PTPRN2: variants seen among roughly 807,000 people sequenced by gnomAD.
PTPRN2 encodes the protein receptor-type tyrosine-protein phosphatase N2.
A neutral mutation model predicts 118.8 loss-of-function variants in PTPRN2; 74 were observed. The ratio of observed to expected loss-of-function variants is 0.62; its 90% CI spans 0.52 to 0.76. The LOEUF is 0.76. Ranked by LOEUF, PTPRN2 falls within the 30% of genes least tolerant of loss-of-function variation. The pLI is 0.00. For synonymous variants in PTPRN2, 641 were observed against 608.0 expected, an observed-to-expected ratio of 1.05 and a Z score of -0.80; for missense variants, 1,481 against 1,394.4, an observed-to-expected ratio of 1.06 and a Z score of -0.99.
intron 22 of PTPRN2, among the ~76,000 whole-genome samples, chr7:157,544,670 A>T (rs758922904): frequency 6.6e-6 from 1 of 152,190 alleles, no homozygotes; most frequent in Non-Finnish European, 1.5e-5. Flanking sequence ...GTGGGCAGGA[A>T]AGTGTTAAGG....
chr7:158,341,800 T>A (rs1170300047), intron 2 of PTPRN2, among the ~76,000 whole-genome samples: 2 of 127,256 alleles, frequency 1.6e-5, no homozygotes, highest in Non-Finnish European at 3.3e-5. Flanking sequence ...ACACCCACAC[T>A]CTCACCGTAA....
intron 11 of PTPRN2, among the ~76,000 whole-genome samples, chr7:158,076,953 C>A (rs552882728): frequency 3.3e-5 from 5 of 152,214 alleles, no homozygotes; most frequent in Admixed American, 3.3e-4. Flanking sequence ...TGTGAAGCAC[C>A]GATGCCTGCC....
intron 3 of PTPRN2, among the ~76,000 whole-genome samples, chr7:158,252,979 C>T (rs1796782398): frequency 6.6e-6 from 1 of 152,196 alleles, no homozygotes; most frequent in South Asian, 2.1e-4. Context: ...CCCGAGGTTC[C>T]TCCTGTCATG....
At chr7:158,332,055 G>A (rs577640075) in intron 2 of PTPRN2, among the ~76,000 whole-genome samples, 1,676 of 150,610 alleles carry the variant, frequency 0.011, 140 homozygotes, top group African/African-American at 0.04. Context: ...GATAAGAGGT[G>A]ACATCTGCAG....
Position 157,932,059 on chromosome 7 carries a change from C to T in PTPRN2, c.1724-33322G>A, listed in dbSNP as rs539376323. Among the ~76,000 whole-genome samples the T allele has an allele frequency of 3.1e-4, 47 of 152,338 alleles. No individual in the cohort carries two copies. In the South Asian group the frequency reaches 8.1e-3, roughly 26 times the overall value. ...GTAACATTTTAGGCTTTACTCTCAC[C>T]TGCAAAATCTCTCTCTATATTTATA... On this transcript the variant is annotated intron_variant, in intron 11 of 22. Coordinates refer to ENST00000389418, the MANE Select transcript of PTPRN2 (RefSeq NM_002847.5).
Position 158,144,719 on chromosome 7 carries a change from G to A in PTPRN2, c.911-6204C>T, listed in dbSNP as rs371576519. The stretch of plus-strand genomic sequence containing the variant: ...CCCTCTCCCTCCAGGGCAGGCTGGC[G>A]CTTCTCCCACCACCCCGAGGGAAGA... On this transcript the variant is annotated intron_variant, in intron 6 of 22. Coordinates refer to ENST00000389418, the MANE Select transcript of PTPRN2 (RefSeq NM_002847.5). 7.9e-5 allele frequency among the ~76,000 whole-genome samples: 12 copies of A among 152,310 alleles called. No individual in the cohort carries two copies. The East Asian group carries it at 2.1e-3, about 27-fold the overall frequency.
chr7:158,166,815 C>T (rs537462460), intron 6 of PTPRN2, 116 bp downstream of exon 6: 31 of 1,278,258 alleles, frequency 2.4e-5, no homozygotes, highest in Middle Eastern at 2.9e-4. Flanking sequence ...CACGCGTCCT[C>T]GGGGGAGTGC....
intron 1 of PTPRN2, among the ~76,000 whole-genome samples, chr7:158,554,244 G>C (rs764481004): frequency 2.0e-5 from 3 of 152,218 alleles, no homozygotes; most frequent in Non-Finnish European, 4.4e-5. Context: ...CAGCCTGGGC[G>C]AAAGAGTGAG....
At chr7:158,184,846 T>C (rs963922649) in intron 5 of PTPRN2, among the ~76,000 whole-genome samples, 1 of 152,144 alleles carries the variant, frequency 6.6e-6, no homozygotes, top group African/African-American at 2.4e-5. Flanking sequence ...AATGCAGTGT[T>C]GAATTGAAGA....
At chr7:158,313,279 G>T (rs960360985) in intron 3 of PTPRN2, among the ~76,000 whole-genome samples, 1 of 152,182 alleles carries the variant, frequency 6.6e-6, no homozygotes, top group Admixed American at 6.5e-5. Context: ...CTGCCACGGG[G>T]TCATCCCCAG....
rs554712648 is a variant in PTPRN2 at position 157,782,157 on chromosome 7, G to T, written c.1789-99220C>A. Among the ~76,000 whole-genome samples the T allele has an allele frequency of 4.6e-5, 7 of 152,244 alleles. No individual in the cohort carries two copies. The East Asian group carries it at 1.2e-3, about 25-fold the overall frequency. On this transcript the variant is annotated intron_variant, in intron 12 of 22. Transcript: ENST00000389418. ...CCCAGGCCTCGCCTGCTCTGCACAG[G>T]ACCGTAGACCCCATGCTGAGGGGCG...
intron 6 of PTPRN2, among the ~76,000 whole-genome samples, chr7:158,152,901 CA>C (rs1490611388): frequency 3.1e-5 from 4 of 131,070 alleles, no homozygotes; most frequent in Non-Finnish European, 5.1e-5. Context: ...CAGACACCAG[CA>C]CGCCAGCAGG....
rs190254775 is a variant in PTPRN2, at chr7:158,308,427, G to T, written c.277+8392C>A. On this transcript the variant is annotated intron_variant, in intron 3 of 22. Transcript: ENST00000389418. ...GAAGAAATAAACAGCACCAGTAAAG[G>T]TCATTATTTAGTAAATATGAAAGAC... Among the ~76,000 whole-genome samples, 487 of 152,144 alleles carry T rather than the reference G, an allele frequency of 3.2e-3. 10 individuals are homozygous for T. The highest frequency in any genetic ancestry group is 7.9e-4 in the Non-Finnish European group (54 of 68,002).
intron 6 of PTPRN2, among the ~76,000 whole-genome samples, chr7:158,143,639 G>A (rs1484622264): frequency 1.3e-5 from 2 of 152,110 alleles, no homozygotes; most frequent in Non-Finnish European, 2.9e-5. Context: ...GCTGCCCAGC[G>A]GCCTCCTCAT....
chr7:157,911,157 C>T (rs1251760452), intron 11 of PTPRN2, among the ~76,000 whole-genome samples: 2 of 152,152 alleles, frequency 1.3e-5, no homozygotes, highest in African/African-American at 2.4e-5. Context: ...CTATCGTGAA[C>T]GGGGGCTGAT....
intron 2 of PTPRN2, among the ~76,000 whole-genome samples, chr7:158,411,009 G>A (rs1434638780): frequency 7.0e-6 from 1 of 143,368 alleles, no homozygotes; most frequent in African/African-American, 2.7e-5. Context: ...TTCACTTGGT[G>A]GTGTCAGGCC....
At chr7:157,710,705 G>A (rs966186040) in intron 12 of PTPRN2, among the ~76,000 whole-genome samples, 1 of 152,234 alleles carries the variant, frequency 6.6e-6, no homozygotes, top group Non-Finnish European at 1.5e-5. Flanking sequence ...ATGGACTGGT[G>A]CCTACTGCCT....
At chr7:157,829,828 G>A (rs973966483) in intron 12 of PTPRN2, among the ~76,000 whole-genome samples, 4 of 152,232 alleles carry the variant, frequency 2.6e-5, no homozygotes, top group African/African-American at 9.6e-5. Context: ...GCGGCAACAC[G>A]TTTGTCCCTG....
intron 3 of PTPRN2, among the ~76,000 whole-genome samples, chr7:158,293,808 G>T (rs2151026892): frequency 6.6e-6 from 1 of 150,506 alleles, no homozygotes; most frequent in Non-Finnish European, 1.5e-5. Flanking sequence ...GGCCTACACA[G>T]GGCAGGCTCA....
Sources: gnomAD v4.1 joint callset for allele counts (sites outside exome capture counted in the v4.1 genomes callset) on GRCh38, gnomAD v4.1.1 for gene constraint, MANE v1.5 for transcripts, NCBI Gene and HGNC (gene_info 2026-07-23, HGNC 2026-07-21) for gene names.